GLRB: variants seen among roughly 807,000 people sequenced by gnomAD.
The protein encoded by GLRB is glycine receptor beta.
Under a neutral mutation model 54.2 loss-of-function variants are expected in GLRB, and 33 were observed. The observed-to-expected ratio is 0.61, with a 90% confidence interval of 0.46 to 0.81. The LOEUF (loss-of-function observed/expected upper bound fraction) is 0.81, where lower values mean the gene tolerates loss of function less well. GLRB is among the 40% of genes least tolerant of loss of function. The pLI, the probability that GLRB is intolerant of heterozygous loss-of-function variation, is 0.00. For synonymous variants in GLRB, 209 were observed against 208.2 expected, an observed-to-expected ratio of 1.00 and a Z score of -0.03; for missense variants, 572 against 584.6, an observed-to-expected ratio of 0.98 and a Z score of 0.22.
chr4:157,076,372 G>T (rs1734029535), intron 1 of GLRB, 75 bp downstream of exon 1: 1 of 151,768 alleles, frequency 6.6e-6, no homozygotes, highest in African/African-American at 2.4e-5. Flanking sequence ...GACGGGAATA[G>T]ACGCCTTTGC....
At chr4:157,141,866 G>A (rs1579234281) in intron 7 of GLRB, among the ~76,000 whole-genome samples, 2 of 152,006 alleles carry the variant, frequency 1.3e-5, no homozygotes, top group African/African-American at 4.8e-5. Flanking sequence ...CCAAATTGCA[G>A]GACTCATGTG....
intron 9 of GLRB, among the ~76,000 whole-genome samples, chr4:157,157,053 G>A (rs1737257836): frequency 6.6e-6 from 1 of 152,126 alleles, no homozygotes; most frequent in Non-Finnish European, 1.5e-5. Flanking sequence ...GAGATTGGGG[G>A]TCACCAGTTC....
intron 4 of GLRB, among the ~76,000 whole-genome samples, chr4:157,132,312 A>T (rs1487496569): frequency 2.0e-5 from 3 of 150,554 alleles, no homozygotes; most frequent in Non-Finnish European, 3.0e-5. Flanking sequence ...CTTGATTTTA[A>T]CTCCTACCTT....
chr4:157,103,224 T>A (rs1007465690), intron 2 of GLRB, among the ~76,000 whole-genome samples: 2 of 151,196 alleles, frequency 1.3e-5, no homozygotes, highest in Non-Finnish European at 2.9e-5. Context: ...ATGCTCAGCC[T>A]CTGTGAAACT....
At chr4:157,165,858 TA>T (rs1303462079) in intron 9 of GLRB, among the ~76,000 whole-genome samples, 1 of 151,992 alleles carries the variant, frequency 6.6e-6, no homozygotes, top group East Asian at 1.9e-4. Context: ...AATTAGAAAA[TA>T]AAAGCTGCTG....
chr4:157,136,432 A>G, intron 4 of GLRB, 37 bp from the exon 5 acceptor site: 1 of 1,144,618 alleles, frequency 8.7e-7, no homozygotes, highest in African/African-American at 1.5e-5. Flanking sequence ...AAATAGCAAT[A>G]AACATACACA....
intron 9 of GLRB, among the ~76,000 whole-genome samples, chr4:157,161,828 G>A (rs1737507706): frequency 6.6e-6 from 1 of 152,092 alleles, no homozygotes; most frequent in Non-Finnish European, 1.5e-5. Context: ...CTCTTCTCGT[G>A]GAGTATCTTT....
chr4:157,148,597 T>C (rs1377546958), intron 8 of GLRB, among the ~76,000 whole-genome samples: 1 of 152,222 alleles, frequency 6.6e-6, no homozygotes, highest in Non-Finnish European at 1.5e-5. Context: ...TCATAACTTA[T>C]CTTTGATTTC....
intron 7 of GLRB, among the ~76,000 whole-genome samples, chr4:157,142,295 T>C (rs564999339): frequency 6.6e-6 from 1 of 152,246 alleles, no homozygotes; most frequent in Non-Finnish European, 1.5e-5. Flanking sequence ...TGACTTGATA[T>C]ATTGCCTAAT....
intron 3 of GLRB, 125 bp downstream of exon 3, chr4:157,120,787 T>C: frequency 1.9e-6 from 1 of 537,972 alleles, no homozygotes; most frequent in South Asian, 2.2e-5. Flanking sequence ...TTCAAAGTGA[T>C]ATATAACAAA....
At chr4:157,078,513 T>TA (rs900796540) in intron 2 of GLRB, among the ~76,000 whole-genome samples, 9 of 151,988 alleles carry the variant, frequency 5.9e-5, no homozygotes, top group East Asian at 5.8e-4. Context: ...AGTTTTTTTT[T>TA]AAAAAAACCC....
intron 9 of GLRB, among the ~76,000 whole-genome samples, chr4:157,164,613 A>G: frequency 6.6e-6 from 1 of 152,306 alleles, no homozygotes; most frequent in African/African-American, 2.4e-5. Context: ...TAGTAACAAT[A>G]CTAATAAGCA....
intron 2 of GLRB, among the ~76,000 whole-genome samples, chr4:157,097,672 C>T (rs910865146): frequency 2.0e-5 from 3 of 152,168 alleles, no homozygotes; most frequent in Non-Finnish European, 4.4e-5. Context: ...TGACTTTTTA[C>T]ATACAGCTCA....
rs747212960 is a variant in GLRB, at chr4:157,136,904, T to A, written c.610+18T>A. 56 of 1,425,874 alleles carry A rather than the reference T, an allele frequency of 3.9e-5. No homozygotes were observed. Among genetic ancestry groups the A allele is most frequent in the Non-Finnish European group, 4.3e-5 (43 of 1,008,498 alleles). The allele number at this position is 1,425,874 out of a possible 1,614,324, so 88.3% of individuals were successfully genotyped here. A position where few individuals can be genotyped will look rare whatever the true frequency, so the allele number is the denominator to read the frequency against. On this transcript the variant is annotated intron_variant, in intron 6 of 9. Coordinates refer to ENST00000264428, the MANE Select transcript of GLRB (RefSeq NM_000824.5). ...GGAGAGCTGTACGTAAATGAGAACA[T>A]AATTGATTATGAAAATAAAGTGTTT...
chr4:157,108,669 G>A (rs1051252980), intron 2 of GLRB, among the ~76,000 whole-genome samples: 2 of 152,042 alleles, frequency 1.3e-5, no homozygotes, highest in Admixed American at 1.3e-4. Flanking sequence ...AATATACTGA[G>A]AACAATGTCA....
chr4:157,134,648 A>G (rs1736336625), intron 4 of GLRB, among the ~76,000 whole-genome samples: 1 of 152,122 alleles, frequency 6.6e-6, no homozygotes, highest in Admixed American at 6.6e-5. Context: ...CATTGGCAAT[A>G]TTTCTTGGCA....
At chr4:157,124,366 A>T (rs900283997) in intron 4 of GLRB, among the ~76,000 whole-genome samples, 1 of 151,714 alleles carries the variant, frequency 6.6e-6, no homozygotes, top group African/African-American at 2.4e-5. Flanking sequence ...TTTGTCTGTT[A>T]CTTTAATAGC....
At chr4:157,115,251 G>GTTT (rs34188430) in intron 2 of GLRB, among the ~76,000 whole-genome samples, 1 of 112,474 alleles carries the variant, frequency 8.9e-6, no homozygotes, top group African/African-American at 3.3e-5. Flanking sequence ...CCATTATGGT[G>GTTT]TTTTTTTTTT....
At chr4:157,082,964 T>TTATATATATATATATATATATATATA (rs58330518) in intron 2 of GLRB, among the ~76,000 whole-genome samples, 3 of 139,668 alleles carry the variant, frequency 2.1e-5, no homozygotes, top group African/African-American at 7.9e-5. Context: ...GAATAGTGTT[T>TTATATATATATATATATATATATATA]TATATATATA....
Sources: allele counts gnomAD v4.1 joint callset (sites outside exome capture counted in the v4.1 genomes callset), GRCh38; gene constraint gnomAD v4.1.1; transcripts MANE v1.5; gene names NCBI Gene and HGNC (gene_info 2026-07-23, HGNC 2026-07-21).